KLHL1: variants seen among roughly 807,000 people sequenced by gnomAD.
The protein encoded by KLHL1 is kelch like family member 1, also known as kelch-like protein 1.
A neutral mutation model predicts 77.7 loss-of-function variants in KLHL1; 47 were observed. The ratio of observed to expected loss-of-function variants is 0.60; its 90% confidence interval spans 0.48 to 0.77. KLHL1 has a LOEUF of 0.77. Ranked by LOEUF, KLHL1 falls within the 30% of genes least tolerant of loss-of-function variation. The probability of loss-of-function intolerance (pLI) is 0.00; values close to 1 mark genes in which losing one functional copy is unlikely to be tolerated. For synonymous variants in KLHL1, 360 were observed against 325.2 expected (o/e 1.11, Z -1.15); for missense variants, 925 against 910.8 (o/e 1.02, Z -0.20).
At chr13:69,747,919 T>C (rs945348827) in intron 7 of KLHL1, among the ~76,000 whole-genome samples, 4 of 151,972 alleles carry the variant, frequency 2.6e-5, no homozygotes, top group African/African-American at 7.2e-5. Context: ...CAGCAAAATA[T>C]ACTAATTAAA....
intron 1 of KLHL1, among the ~76,000 whole-genome samples, chr13:70,056,672 C>T (rs1886752190): frequency 6.6e-6 from 1 of 152,178 alleles, no homozygotes; most frequent in African/African-American, 2.4e-5. Flanking sequence ...ACAAGAGGTA[C>T]TTCGGAAACT....
intron 8 of KLHL1, among the ~76,000 whole-genome samples, chr13:69,722,705 T>C (rs760607167): frequency 2.0e-5 from 3 of 152,086 alleles, no homozygotes; most frequent in Non-Finnish European, 1.5e-5. Context: ...TTTATGGCAA[T>C]GTAAATTAGG....
intron 4 of KLHL1, among the ~76,000 whole-genome samples, chr13:69,915,022 A>G (rs532175372): frequency 2.6e-5 from 4 of 152,288 alleles, no homozygotes; most frequent in African/African-American, 7.2e-5. Flanking sequence ...AAATCTCTCA[A>G]GAAGCAGGGA....
chr13:70,030,325 T>C (rs1886063054), intron 1 of KLHL1, among the ~76,000 whole-genome samples: 1 of 152,144 alleles, frequency 6.6e-6, no homozygotes, highest in Non-Finnish European at 1.5e-5. Flanking sequence ...TATTCCAAAA[T>C]TGACCACATA....
chr13:70,068,756 T>C (rs1887073077), intron 1 of KLHL1, among the ~76,000 whole-genome samples: 1 of 152,356 alleles, frequency 6.6e-6, no homozygotes, highest in Admixed American at 6.5e-5. Flanking sequence ...TGTTTGCTAA[T>C]GCTATCAGTT....
At chr13:69,988,973 A>G (rs1484153592) in intron 1 of KLHL1, among the ~76,000 whole-genome samples, 1 of 152,026 alleles carries the variant, frequency 6.6e-6, no homozygotes, top group Non-Finnish European at 1.5e-5. Context: ...ATTAGATCTC[A>G]TTTGTCAATT....
intron 3 of KLHL1, among the ~76,000 whole-genome samples, chr13:69,953,138 TTAATA>T (rs142121050): frequency 0.036 from 5,484 of 151,284 alleles, 138 homozygotes; most frequent in Middle Eastern, 0.075. Flanking sequence ...CTTCTTCAGA[TTAATA>T]TAATAAAATA....
intron 7 of KLHL1, among the ~76,000 whole-genome samples, chr13:69,779,264 G>A (rs1876000227): frequency 6.6e-6 from 1 of 152,064 alleles, no homozygotes; most frequent in South Asian, 2.1e-4. Flanking sequence ...TATATAATGA[G>A]GGTTTTCCTA....
chr13:69,958,642 T>C (rs1883966508), intron 3 of KLHL1, among the ~76,000 whole-genome samples: 2 of 151,920 alleles, frequency 1.3e-5, no homozygotes, highest in East Asian at 3.9e-4. Context: ...GACCTATCTC[T>C]ATTAAACACA....
chr13:70,060,987 C>T (rs1281300311), intron 1 of KLHL1, among the ~76,000 whole-genome samples: 2 of 152,086 alleles, frequency 1.3e-5, no homozygotes, highest in African/African-American at 2.4e-5. Flanking sequence ...CACACAAAGA[C>T]TAAGTTCAGA....
At chr13:69,771,100 C>G (rs145509669) in intron 7 of KLHL1, among the ~76,000 whole-genome samples, 40 of 152,032 alleles carry the variant, frequency 2.6e-4, no homozygotes, top group African/African-American at 9.4e-4. Context: ...TGGGCTTTAC[C>G]AACCTTTTCT....
At chr13:69,922,123 T>C (rs1346980787) in intron 4 of KLHL1, among the ~76,000 whole-genome samples, 1 of 151,996 alleles carries the variant, frequency 6.6e-6, no homozygotes, top group African/African-American at 2.4e-5. Flanking sequence ...CCTTCCTTTT[T>C]TTTAATATAA....
intron 7 of KLHL1, among the ~76,000 whole-genome samples, chr13:69,780,685 C>A: frequency 3.6e-5 from 1 of 28,120 alleles, no homozygotes; most frequent in Admixed American, 5.5e-4. Flanking sequence ...TCTCTTTCTT[C>A]ATATATATAT....
intron 4 of KLHL1, among the ~76,000 whole-genome samples, chr13:69,906,928 G>A (rs1463601467): frequency 6.6e-6 from 1 of 151,866 alleles, no homozygotes; most frequent in Admixed American, 6.6e-5. Flanking sequence ...ACCATATTTT[G>A]AAATCATCTA....
intron 1 of KLHL1, among the ~76,000 whole-genome samples, chr13:70,037,925 T>C (rs935985085): frequency 6.6e-6 from 1 of 152,194 alleles, no homozygotes; most frequent in Non-Finnish European, 1.5e-5. Flanking sequence ...CTTTTTTATA[T>C]ACATTTTATA....
At chr13:69,777,914 G>T (rs1358192250) in intron 7 of KLHL1, among the ~76,000 whole-genome samples, 2 of 151,928 alleles carry the variant, frequency 1.3e-5, no homozygotes, top group Non-Finnish European at 1.5e-5. Flanking sequence ...TTGAATGCAG[G>T]AATAACTTAA....
intron 1 of KLHL1, among the ~76,000 whole-genome samples, chr13:70,059,632 A>G (rs147016553): frequency 6.6e-6 from 1 of 152,348 alleles, no homozygotes; most frequent in East Asian, 1.9e-4. Flanking sequence ...CAAATTATCC[A>G]TATTAGTCCA....
At chr13:69,733,961 G>T (rs1873662193) in intron 8 of KLHL1, among the ~76,000 whole-genome samples, 1 of 152,146 alleles carries the variant, frequency 6.6e-6, no homozygotes, top group African/African-American at 2.4e-5. Flanking sequence ...ACTACACTCA[G>T]TAGTTGAGTG....
At chr13:69,808,313 A>G (rs537164219) in intron 6 of KLHL1, among the ~76,000 whole-genome samples, 70 of 152,106 alleles carry the variant, frequency 4.6e-4, no homozygotes, top group African/African-American at 1.6e-3. Context: ...TTCTGTTCCC[A>G]CCACTACCTA....
Sources: allele counts gnomAD v4.1 joint callset (sites outside exome capture counted in the v4.1 genomes callset), GRCh38; gene constraint gnomAD v4.1.1; transcripts MANE v1.5; gene names NCBI Gene and HGNC (gene_info 2026-07-23, HGNC 2026-07-21).